UBR3: variants seen among roughly 807,000 people sequenced by gnomAD.
The protein encoded by UBR3 is E3 ubiquitin-protein ligase UBR3.
In UBR3, 85 loss-of-function variants were observed where a neutral mutation model predicts 243.2. That is an observed-to-expected ratio of 0.35 (90% CI 0.29 to 0.42). UBR3 has a LOEUF of 0.42. Among genes scored for constraint, UBR3 ranks in the 10% least tolerant of loss-of-function variants. UBR3 has a pLI of 1.00. For missense variants in UBR3, 1,686 were observed against 2,300.8 expected (o/e 0.73, Z 5.47); for synonymous variants, 748 against 799.8 (o/e 0.94, Z 1.09).
intron 37 of UBR3, 156 bp from the exon 38 acceptor site, chr2:170,080,386 TTAA>T (rs1283999036): frequency 2.0e-5 from 17 of 844,686 alleles, no homozygotes; most frequent in Non-Finnish European, 2.8e-5. Flanking sequence ...TCCTAATGTA[TTAA>T]TAATAAAGTG....
chr2:169,909,741 G>GTATATA lies in UBR3; in HGVS notation c.1779+3589_1779+3594dup, dbSNP rs34263331. Among the ~76,000 whole-genome samples the GTATATA allele has an allele frequency of 9.9e-3, 1,474 of 149,598 alleles. 10 individuals carry two copies. Among genetic ancestry groups the GTATATA allele is most frequent in the African/African-American group, 0.013 (541 of 40,764 alleles). On this transcript the variant is annotated intron_variant, in intron 10 of 38. Coordinates refer to ENST00000272793, the MANE Select transcript of UBR3 (RefSeq NM_172070.4). Reference sequence around the variant, plus strand: ...CATCCCACAATGCATGTGTGTGTGTGTATATATATATATATATCTTGAAAC... The same window carrying GTATATA: ...CATCCCACAATGCATGTGTGTGTGTGTATATATATATATATATATATATCTTGAAAC...
chr2:169,927,115 G>C (rs1372368718), intron 16 of UBR3, 144 bp downstream of exon 16: 1 of 1,134,072 alleles, frequency 8.8e-7, no homozygotes, highest in Non-Finnish European at 1.2e-6. Context: ...ATGTTGTACT[G>C]TAGGTATACC....
chr2:169,996,844 C>T (rs780530144), intron 26 of UBR3, among the ~76,000 whole-genome samples: 13 of 151,818 alleles, frequency 8.6e-5, no homozygotes, highest in Non-Finnish European at 1.0e-4. Context: ...GGACTACAGG[C>T]GCCCACCACC....
chr2:169,851,653 C>G lies in UBR3; in HGVS notation c.546-20583C>G, dbSNP rs191928791. Among the ~76,000 whole-genome samples the G allele has an allele frequency of 2.0e-4, 30 of 152,024 alleles. No individual in the cohort carries two copies. In the East Asian group the frequency reaches 4.8e-3, roughly 25 times the overall value. Reference sequence around the variant, plus strand: ...GGCTGAGGGGAGCGGATCACAAGGTCAAGAGATCAAGACCATCTTGGCCAA... The same window carrying G: ...GGCTGAGGGGAGCGGATCACAAGGTGAAGAGATCAAGACCATCTTGGCCAA... On this transcript the variant is annotated intron_variant, in intron 1 of 38. Coordinates refer to ENST00000272793, the MANE Select transcript of UBR3 (RefSeq NM_172070.4).
At chr2:169,958,147 T>C in intron 23 of UBR3, among the ~76,000 whole-genome samples, 1 of 152,246 alleles carries the variant, frequency 6.6e-6, no homozygotes, top group East Asian at 1.9e-4. Flanking sequence ...ACTTAGGAAC[T>C]TGTGTTATTG....
intron 8 of UBR3, among the ~76,000 whole-genome samples, chr2:169,899,691 C>T (rs567694364): frequency 6.6e-6 from 1 of 152,180 alleles, no homozygotes; most frequent in South Asian, 2.1e-4. Context: ...TGATGTCCGC[C>T]TCCCTGTGTC....
In UBR3 at chr2:170,079,865, C is replaced by T; in HGVS notation, c.5251C>T (p.Pro1751Ser). 6.2e-7 allele frequency: 1 copy of T among 1,613,992 alleles called. No homozygotes were observed. Among genetic ancestry groups the T allele is most frequent in the Non-Finnish European group, 8.5e-7 (1 of 1,179,950 alleles). ...GAAATTACCACACCTACTACAGTTGCCTGAGAATTATAACACCATTTTTCA... is the reference window on the plus strand; with the variant it reads ...GAAATTACCACACCTACTACAGTTGTCTGAGAATTATAACACCATTTTTCA... The part of the protein sequence containing the change: ...KWKLPHLLQL[P>S]ENYNTIFQYY... The change falls in exon 37 of 39, where the codon CCT becomes TCT. Residue 1751 changes from proline (P) to serine (S), a missense_variant. By Grantham distance (74) the Pro-to-Ser change is moderately conservative (BLOSUM62 -1). Transcript: ENST00000272793.
chr2:169,915,716 G>A (rs973295346), intron 11 of UBR3, among the ~76,000 whole-genome samples: 3 of 152,242 alleles, frequency 2.0e-5, no homozygotes, highest in African/African-American at 7.2e-5. Flanking sequence ...TGATTAGGGT[G>A]GTACCTGCTA....
intron 30 of UBR3, among the ~76,000 whole-genome samples, chr2:170,020,727 A>G (rs1365638176): frequency 2.0e-5 from 3 of 152,246 alleles, no homozygotes; most frequent in Non-Finnish European, 4.4e-5. Flanking sequence ...TGTAGAATAA[A>G]TCAAAGCTTG....
intron 1 of UBR3, among the ~76,000 whole-genome samples, chr2:169,847,081 G>C (rs181482201): frequency 1.1e-5 from 1 of 93,342 alleles, no homozygotes. Context: ...TTCTTAAACT[G>C]TGTGTGTGTG....
At chr2:170,040,269 C>T (rs1342099699) in intron 31 of UBR3, among the ~76,000 whole-genome samples, 1 of 152,022 alleles carries the variant, frequency 6.6e-6, no homozygotes, top group Non-Finnish European at 1.5e-5. Context: ...CTAAGCCCTG[C>T]TAATTTTTTA....
intron 11 of UBR3, among the ~76,000 whole-genome samples, chr2:169,915,803 A>G (rs532886562): frequency 6.6e-6 from 1 of 152,126 alleles, no homozygotes; most frequent in East Asian, 1.9e-4. Context: ...CAATTCATTC[A>G]TTTATTTTTG....
chr2:170,041,218 A>ATGGATACTT (rs1204391013), intron 32 of UBR3, among the ~76,000 whole-genome samples: 3 of 152,190 alleles, frequency 2.0e-5, no homozygotes, highest in African/African-American at 7.2e-5. Flanking sequence ...AGTAAGTATG[A>ATGGATACTT]TGGATACTTT....
chr2:169,909,103 G>A (rs1228118258), intron 10 of UBR3, among the ~76,000 whole-genome samples: 10 of 152,142 alleles, frequency 6.6e-5, no homozygotes, highest in African/African-American at 1.9e-4. Context: ...GATTACAGGC[G>A]TGAGCCACCA....
rs560468162 is a variant in UBR3 at position 170,016,413 on chromosome 2, A to C, written c.4453+1047A>C. On this transcript the variant is annotated intron_variant, in intron 30 of 38. Transcript: ENST00000272793. ...TTTATTTTTTAACCGAGTATTAGTA[A>C]AAATTGACCCCTTTATGCATTCATC... Among the ~76,000 whole-genome samples, 10 of 151,970 alleles carry C rather than the reference A, an allele frequency of 6.6e-5. No individual in the cohort carries two copies. In the South Asian group the frequency reaches 2.1e-3, roughly 32 times the overall value.
At chr2:170,063,314 G>C (rs2091490741) in intron 35 of UBR3, among the ~76,000 whole-genome samples, 1 of 152,188 alleles carries the variant, frequency 6.6e-6, no homozygotes, top group African/African-American at 2.4e-5. Flanking sequence ...ATGCACAGGG[G>C]ATGGAATGAA....
intron 36 of UBR3, among the ~76,000 whole-genome samples, chr2:170,076,383 A>G (rs1369243227): frequency 2.0e-5 from 3 of 152,166 alleles, no homozygotes. Flanking sequence ...GTTGAAAATG[A>G]TGTAACCATT....
At chr2:170,043,466 T>G (rs1559212684) in intron 32 of UBR3, among the ~76,000 whole-genome samples, 1 of 152,124 alleles carries the variant, frequency 6.6e-6, no homozygotes, top group Non-Finnish European at 1.5e-5. Flanking sequence ...ATAAAGTGAG[T>G]CAAGAAAATT....
intron 1 of UBR3, among the ~76,000 whole-genome samples, chr2:169,855,581 G>GT (rs1040375559): frequency 3.9e-5 from 6 of 152,060 alleles, no homozygotes; most frequent in Non-Finnish European, 8.8e-5. Context: ...TTAAGCATCT[G>GT]TTTAACAAAG....
Sources: gnomAD v4.1 joint callset for allele counts (sites outside exome capture counted in the v4.1 genomes callset) on GRCh38, gnomAD v4.1.1 for gene constraint, MANE v1.5 for transcripts, NCBI Gene and HGNC (gene_info 2026-07-23, HGNC 2026-07-21) for gene names.